The following MAP3K7CL variants were observed in gnomAD, a reference collection of about 807,000 sequenced individuals.
The protein encoded by MAP3K7CL is MAP3K7 C-terminal like.
In MAP3K7CL, 16 loss-of-function variants were observed where a neutral mutation model predicts 18.6. The observed-to-expected ratio is 0.86, with a 90% CI of 0.58 to 1.31. The LOEUF (loss-of-function observed/expected upper bound fraction) is 1.31. Among genes scored for constraint, MAP3K7CL ranks in the 50% most tolerant of loss-of-function variants. The pLI is 0.00. For missense variants in MAP3K7CL, 163 were observed against 174.4 expected (o/e 0.93, Z 0.37); for synonymous variants, 65 against 66.8 (o/e 0.97, Z 0.13).
intron 2 of MAP3K7CL, among the ~76,000 whole-genome samples, chr21:29,140,050 T>C (rs1568957463): frequency 6.6e-6 from 1 of 152,060 alleles, no homozygotes; most frequent in African/African-American, 2.4e-5. Context: ...CGAATCACCT[T>C]CTGTCCCAAC....
intron 4 of MAP3K7CL, chr21:29,109,180 G>T: frequency 1.3e-6 from 2 of 1,535,422 alleles, no homozygotes; most frequent in Non-Finnish European, 1.7e-6. Context: ...AGTGCGGACT[G>T]CAGGTATGGA....
chr21:29,079,372 T>C (rs2085799527), intron 1 of MAP3K7CL, among the ~76,000 whole-genome samples: 1 of 152,234 alleles, frequency 6.6e-6, no homozygotes, highest in Non-Finnish European at 1.5e-5. Flanking sequence ...CAAAGGCCCA[T>C]GCTAATCTGA....
chr21:29,141,668 G>A (rs2146659062), intron 2 of MAP3K7CL, among the ~76,000 whole-genome samples: 1 of 152,156 alleles, frequency 6.6e-6, no homozygotes, highest in East Asian at 1.9e-4. Context: ...ACAAAGTATT[G>A]AAAACCTGCT....
At chr21:29,152,621 A>G (rs2087302898) in intron 3 of MAP3K7CL, among the ~76,000 whole-genome samples, 3 of 152,184 alleles carry the variant, frequency 2.0e-5, no homozygotes, top group Admixed American at 2.0e-4. Flanking sequence ...AGGTATTGTC[A>G]GCCCCGTTCT....
chr21:29,140,065 G>A (rs980410246), intron 2 of MAP3K7CL, among the ~76,000 whole-genome samples: 5 of 152,050 alleles, frequency 3.3e-5, no homozygotes, highest in African/African-American at 1.2e-4. Flanking sequence ...CCCAACATGA[G>A]CTTACATTTA....
chr21:29,139,593 T>C (rs2086959119), intron 2 of MAP3K7CL, among the ~76,000 whole-genome samples: 1 of 149,546 alleles, frequency 6.7e-6, no homozygotes, highest in African/African-American at 2.4e-5. Context: ...CCCTCTCTTC[T>C]TTTTTTTTTG....
intron 3 of MAP3K7CL, among the ~76,000 whole-genome samples, chr21:29,159,374 G>C (rs1020473855): frequency 6.6e-6 from 1 of 151,958 alleles, no homozygotes; most frequent in African/African-American, 2.4e-5. Context: ...TTTTTTTTTA[G>C]GGGGAGGGAG....
chr21:29,159,970 A>G lies in MAP3K7CL; in HGVS notation c.162A>G (p.Glu54=), dbSNP rs770457059. The change falls in exon 4 of 5, where the codon GAA becomes GAG. Residue 54 remains glutamate, a synonymous_variant. Transcript: ENST00000399928. ...TGCCGCCTTGTCATGACTCCGAGGA[A>G]TCCATGGAGGTGTTCAAACAGCACT... The part of the protein sequence containing the change: ...QPLPPCHDSE[E]SMEVFKQHCQ... 8.7e-6 allele frequency: 14 copies of G among 1,613,334 alleles called. No homozygotes were observed. The highest frequency in any genetic ancestry group is 1.1e-5 in the Non-Finnish European group (13 of 1,179,336).
chr21:29,154,349 C>G (rs988698053), intron 3 of MAP3K7CL, among the ~76,000 whole-genome samples: 1 of 151,324 alleles, frequency 6.6e-6, no homozygotes, highest in African/African-American at 2.4e-5. Context: ...TTCTGATGCC[C>G]TCTTCTTTTC....
intron 3 of MAP3K7CL, among the ~76,000 whole-genome samples, chr21:29,154,941 G>A (rs1472444354): frequency 6.6e-6 from 1 of 152,086 alleles, no homozygotes; most frequent in African/African-American, 2.4e-5. Context: ...TGTTCAAAAA[G>A]TTTGCTACTC....
upstream of MAP3K7CL, chr21:29,130,596 T>G (rs2086760454): frequency 1.0e-6 from 1 of 985,392 alleles, no homozygotes. Flanking sequence ...TATCAATGCC[T>G]CTGACAGGAG....
intron 2 of MAP3K7CL, among the ~76,000 whole-genome samples, chr21:29,133,850 C>G (rs1815047994): frequency 6.6e-6 from 1 of 152,218 alleles, no homozygotes; most frequent in South Asian, 2.1e-4. Flanking sequence ...CTCACTGGTG[C>G]TCCCACACTT....
chr21:29,143,208 C>T (rs73346699), intron 2 of MAP3K7CL, among the ~76,000 whole-genome samples: 50,416 of 151,830 alleles, frequency 0.33, 8,458 homozygotes, highest in Non-Finnish European at 0.35. Flanking sequence ...TTAAATTAAG[C>T]GTGGGGCCCG....
intron 2 of MAP3K7CL, among the ~76,000 whole-genome samples, chr21:29,135,050 C>CA (rs147529791): frequency 0.048 from 5,668 of 118,200 alleles, 373 homozygotes; most frequent in African/African-American, 0.15. Flanking sequence ...GACTCCATCT[C>CA]AAAAAAAAAA....
At chr21:29,162,011 ATT>A (rs773981361) in intron 4 of MAP3K7CL, among the ~76,000 whole-genome samples, 3 of 152,006 alleles carry the variant, frequency 2.0e-5, no homozygotes, top group Non-Finnish European at 1.5e-5. Flanking sequence ...ATGTCTGACT[ATT>A]TTCTTTTTGT....
At chr21:29,126,439 C>G (rs1377805343), upstream of MAP3K7CL, among the ~76,000 whole-genome samples, 1 of 151,984 alleles carries the variant, frequency 6.6e-6, no homozygotes, top group Non-Finnish European at 1.5e-5. Flanking sequence ...TAAAATATTT[C>G]TTTCTTTCTG....
At chr21:29,096,380 G>A (rs2086122120) in intron 4 of MAP3K7CL, among the ~76,000 whole-genome samples, 1 of 152,110 alleles carries the variant, frequency 6.6e-6, no homozygotes, top group South Asian at 2.1e-4. Context: ...ACATCAAAGA[G>A]GCAATAATAA....
rs1265199934 is a variant in MAP3K7CL at position 29,175,175 on chromosome 21, T to C, written c.*283T>C. On this transcript the variant is annotated 3_prime_UTR_variant, in exon 5 of 5. Transcript: ENST00000399928. ...CTTTTTTAGGAAGATATGATCATGC[T>C]GTACAACAGGGTAGAAAATGATAAA... The C allele has an allele frequency of 8.4e-6, 2 of 237,780 alleles. No homozygotes were observed. Among genetic ancestry groups the C allele is most frequent in the East Asian group, 1.9e-4 (2 of 10,684 alleles). 14.7% of individuals were successfully genotyped at this position (237,780 alleles called of 1,614,324 possible).
intron 3 of MAP3K7CL, among the ~76,000 whole-genome samples, chr21:29,156,930 T>G (rs982221669): frequency 6.6e-6 from 1 of 152,134 alleles, no homozygotes; most frequent in African/African-American, 2.4e-5. Flanking sequence ...GGGTTACCAG[T>G]GAATGGCTCG....
Sources: allele counts gnomAD v4.1 joint callset (sites outside exome capture counted in the v4.1 genomes callset), GRCh38; gene constraint gnomAD v4.1.1; transcripts MANE v1.5; gene names NCBI Gene and HGNC (gene_info 2026-07-23, HGNC 2026-07-21).